Variants in ROS1 observed in about 807,000 individuals in gnomAD.
ROS1 encodes ROS proto-oncogene 1, receptor tyrosine kinase.
Under a neutral mutation model 273.5 loss-of-function variants are expected in ROS1, and 263 were observed. The ratio of observed to expected loss-of-function variants is 0.96; its 90% CI spans 0.87 to 1.06. ROS1 has a LOEUF of 1.06. ROS1 is among the 50% of genes least tolerant of loss of function. ROS1 has a pLI of 0.00. For synonymous variants in ROS1, 1,008 were observed against 954.1 expected (o/e 1.06, Z -1.04); for missense variants, 2,833 against 2,751.1 (o/e 1.03, Z -0.67).
intron 21 of ROS1, among the ~76,000 whole-genome samples, chr6:117,363,697 A>T (rs1055901869): frequency 1.2e-4 from 19 of 152,228 alleles, no homozygotes; most frequent in African/African-American, 4.6e-4. Context: ...TCCCAAAGGC[A>T]CCTTCTCTCT....
intron 1 of ROS1, among the ~76,000 whole-genome samples, chr6:117,424,414 T>C (rs1438607554): frequency 6.6e-6 from 1 of 151,834 alleles, no homozygotes; most frequent in African/African-American, 2.4e-5. Flanking sequence ...TAGTTCTCTA[T>C]GTTATAAATA....
At chr6:117,383,278 T>C in intron 17 of ROS1, 39 bp downstream of exon 17, 6 of 1,454,354 alleles carry the variant, frequency 4.1e-6, no homozygotes, top group Non-Finnish European at 5.8e-6. Context: ...TATAGAGCTA[T>C]TCAGTATTAC....
chr6:117,380,624 T>A (rs1772050098), intron 17 of ROS1, among the ~76,000 whole-genome samples: 1 of 152,084 alleles, frequency 6.6e-6, no homozygotes, highest in African/African-American at 2.4e-5. Flanking sequence ...ATTCTACAAT[T>A]TTTTGCTGGA....
intron 39 of ROS1, among the ~76,000 whole-genome samples, chr6:117,313,404 C>T (rs1775686495): frequency 6.6e-6 from 1 of 151,892 alleles, no homozygotes; most frequent in Non-Finnish European, 1.5e-5. Context: ...TTTGTCTCTA[C>T]TACAAAAAAT....
rs755577962 is a variant in ROS1 at position 117,357,972 on chromosome 6, A to G, written c.3671T>C (p.Ile1224Thr). The G allele has an allele frequency of 1.2e-6, 2 of 1,613,504 alleles. No homozygotes were observed. Among genetic ancestry groups the G allele is most frequent in the East Asian group, 2.2e-5 (1 of 44,832 alleles). The change falls in exon 25 of 44, where the codon ATT becomes ACT. Residue 1224 changes from isoleucine to threonine, a missense_variant. Ile to Thr is a moderately conservative substitution (Grantham distance 89, BLOSUM62 -1). Coordinates refer to ENST00000368507, the MANE Select transcript of ROS1 (RefSeq NM_001378902.1). ...GTGCCTTGAAATCCAGTCAATTGTA[A>G]TAACTGTGATATCAAAAACCAGTGA... ...QDSLVFDITVITIDWISRHLY... is the reference protein window; with the variant it reads ...QDSLVFDITVTTIDWISRHLY...
chr6:117,351,324 C>T (rs1203483059), intron 27 of ROS1, among the ~76,000 whole-genome samples: 1 of 152,060 alleles, frequency 6.6e-6, no homozygotes, highest in African/African-American at 2.4e-5. Context: ...CTGATAAAAC[C>T]CGAGCAGGTC....
chr6:117,360,920 C>CA (rs1276367198), intron 22 of ROS1, among the ~76,000 whole-genome samples: 1 of 152,000 alleles, frequency 6.6e-6, no homozygotes. Flanking sequence ...CTAGAAGCTT[C>CA]AAAAAACTAA....
chr6:117,304,126 G>T (rs1774933748), intron 42 of ROS1, among the ~76,000 whole-genome samples: 1 of 152,110 alleles, frequency 6.6e-6, no homozygotes, highest in South Asian at 2.1e-4. Flanking sequence ...GCCAAGCTTG[G>T]CTCTATTTTT....
At position 117,337,221 on chromosome 6, in the gene ROS1, A is replaced by G; in HGVS notation, c.5181T>C (p.Tyr1727=). 1 of 1,612,794 alleles carries G rather than the reference A, an allele frequency of 6.2e-7. No individual in the cohort carries two copies. The highest frequency in any genetic ancestry group is 8.5e-7 in the Non-Finnish European group (1 of 1,179,154). ...TSYNVRVVVV[Y]KTGENSTSLP... ...GTGAGGTGCTATTTTCTCCCGTCTT[A>G]TAAACCACCACTACTCTGACATTAT... The change falls in exon 32 of 44, where the codon TAT becomes TAC. Residue 1727 remains tyrosine, a synonymous_variant. Transcript: ENST00000368507.
chr6:117,337,445 T>A (rs2128617578), intron 31 of ROS1, 105 bp from the exon 32 acceptor site: 1 of 829,408 alleles, frequency 1.2e-6, no homozygotes, highest in East Asian at 2.7e-5. Context: ...TAAGCATTCT[T>A]TTCTATTAAA....
rs1157079819 is a variant in ROS1, at chr6:117,287,497, T to A, written c.*995A>T. 6.6e-6 allele frequency among the ~76,000 whole-genome samples: 1 copy of A among 152,194 alleles called. No individual in the cohort carries two copies. The highest frequency in any genetic ancestry group is 1.5e-5 in the Non-Finnish European group (1 of 68,026). On this transcript the variant is annotated 3_prime_UTR_variant, in exon 44 of 44. Coordinates refer to ENST00000368507, the MANE Select transcript of ROS1 (RefSeq NM_001378902.1). ...CATAATAGCACACAAGTCAGAGTGA[T>A]TTTATACAACTGAAGATTACAGAAT... is the stretch of plus-strand genomic sequence containing the variant.
intron 17 of ROS1, among the ~76,000 whole-genome samples, chr6:117,382,204 CT>C (rs1772211848): frequency 6.6e-6 from 1 of 151,918 alleles, no homozygotes; most frequent in Admixed American, 6.6e-5. Context: ...ATTAAGAGAC[CT>C]TTTTATTATT....
intron 43 of ROS1, among the ~76,000 whole-genome samples, chr6:117,291,301 A>T (rs1773822565): frequency 6.6e-6 from 1 of 152,178 alleles, no homozygotes; most frequent in South Asian, 2.1e-4. Context: ...CTGCATCATT[A>T]CTTTGAATAT....
At chr6:117,328,357 AG>A in intron 33 of ROS1, 1 of 261,450 alleles carries the variant, frequency 3.8e-6, no homozygotes, top group Non-Finnish European at 7.4e-6. Context: ...AAGAGGTCCT[AG>A]CAAAAACCTG....
rs1226339386 is a variant in ROS1 at position 117,366,284 on chromosome 6, C to T, written c.2589G>A (p.Gly863=). The change falls in exon 19 of 44, where the codon GGG becomes GGA. Residue 863 remains glycine (G), a synonymous_variant. Coordinates refer to ENST00000368507, the MANE Select transcript of ROS1 (RefSeq NM_001378902.1). ...YTAVLRGQST[G]DTTITEFAAW... is the part of the protein sequence containing the mutation. The stretch of plus-strand genomic sequence containing the variant: ...CTGCAAATTCTGTGATGGTGGTATC[C>T]CCAGTGCTGCTAAAACATAACACCA... 1.2e-6 allele frequency: 2 copies of T among 1,613,372 alleles called. No homozygotes were observed. Among genetic ancestry groups the T allele is most frequent in the Admixed American group, 3.3e-5 (2 of 60,006 alleles).
At chr6:117,358,790 G>T (rs1425746300) in intron 24 of ROS1, among the ~76,000 whole-genome samples, 2 of 152,014 alleles carry the variant, frequency 1.3e-5, no homozygotes, top group Non-Finnish European at 2.9e-5. Context: ...TGTCCAGTTT[G>T]TCATCTCCTT....
At chr6:117,351,417 C>T (rs1446557381) in intron 27 of ROS1, among the ~76,000 whole-genome samples, 2 of 151,896 alleles carry the variant, frequency 1.3e-5, no homozygotes, top group African/African-American at 2.4e-5. Flanking sequence ...TTTCCTTTTC[C>T]CTTCTCTCTG....
chr6:117,301,025 T>G lies in ROS1; in HGVS notation c.6664A>C (p.Lys2222Gln), dbSNP rs529156. ...FRNFFLNSIY[K>Q]SRDEANNSGV... The stretch of plus-strand genomic sequence containing the variant: ...CTGTTGTTTGCTTCATCTCTGGACT[T>G]ATAAATGCTATTTAAGAAAAAATTT... Residue 2222 changes from lysine (K) to glutamine (Q), a missense_variant, in exon 43 of 44, where the codon AAG (lysine) becomes CAG (glutamine). Coordinates refer to ENST00000368507, the MANE Select transcript of ROS1 (RefSeq NM_001378902.1). 0.24 allele frequency: 376,040 copies of G among 1,597,896 alleles called. 47,339 individuals carry two copies. The highest frequency in any genetic ancestry group is 0.26 in the Non-Finnish European group (306,227 of 1,171,238).
intron 27 of ROS1, among the ~76,000 whole-genome samples, chr6:117,352,227 C>A (rs1582707608): frequency 6.6e-6 from 1 of 152,290 alleles, no homozygotes. Context: ...ACTACAGGCA[C>A]CTGCCACTAC....
Sources: allele counts gnomAD v4.1 joint callset (sites outside exome capture counted in the v4.1 genomes callset), GRCh38; gene constraint gnomAD v4.1.1; transcripts MANE v1.5; gene names NCBI Gene and HGNC (gene_info 2026-07-23, HGNC 2026-07-21).